Variants in RBMS3 observed in about 807,000 individuals in gnomAD.
The protein encoded by RBMS3 is RNA binding motif single stranded interacting protein 3.
In RBMS3, 27 loss-of-function variants were observed where a neutral mutation model predicts 66.8. The ratio of observed to expected loss-of-function variants is 0.40; its 90% CI spans 0.30 to 0.56. The LOEUF (loss-of-function observed/expected upper bound fraction) is 0.56, where lower values mean the gene tolerates loss of function less well. Among genes scored for constraint, RBMS3 ranks in the 20% least tolerant of loss-of-function variants. RBMS3 has a pLI of 0.40. For missense variants in RBMS3, 513 were observed against 549.5 expected (o/e 0.93, Z 0.66); for synonymous variants, 188 against 183.0 (o/e 1.03, Z -0.22).
In RBMS3 at chr3:30,008,031, T is replaced by C. The variant is rs1699851145; in HGVS notation, c.*4169T>C. 6.6e-6 allele frequency: 1 copy of C among 152,052 alleles called. No homozygotes were observed. The highest frequency in any genetic ancestry group is 1.5e-5 in the Non-Finnish European group (1 of 67,984). 9.4% of individuals were successfully genotyped at this position (152,052 alleles called of 1,614,324 possible). A position where few individuals can be genotyped will look rare whatever the true frequency, so the allele number is the denominator to read the frequency against. On this transcript the variant is annotated 3_prime_UTR_variant, in exon 15 of 15. Coordinates refer to ENST00000383767, the MANE Select transcript of RBMS3 (RefSeq NM_001003793.3). ...CATCTTTGGACCCCTTGCAAAGTGC[T>C]TTAAAAGTACTTTCAATTTATGCAT... is the stretch of plus-strand genomic sequence containing the variant.
chr3:29,457,827 C>CTTT (rs36020077), intron 2 of RBMS3, among the ~76,000 whole-genome samples: 3,087 of 140,766 alleles, frequency 0.022, 138 homozygotes, highest in African/African-American at 0.077. Context: ...TCAATTTGCA[C>CTTT]TTTTTTTTTT....
rs1559412873 is a variant in RBMS3 at position 29,497,972 on chromosome 3, C to CTTTT, written c.307+9473_307+9474insTTTT. The stretch of plus-strand genomic sequence containing the variant: ...CTCAGAGTTATTCTCTAAAAGTATT[C>CTTTT]ATTTTTTTTTTTTTTTTTTTTTTTT... On this transcript the variant is annotated intron_variant, in intron 3 of 14. Transcript: ENST00000383767. 4.5e-4 allele frequency among the ~76,000 whole-genome samples: 19 copies of CTTTT among 42,328 alleles called. 2 individuals are homozygous for CTTTT. Among genetic ancestry groups the CTTTT allele is most frequent in the East Asian group, 2.5e-3 (3 of 1,178 alleles). 27.8% of individuals were successfully genotyped at this position (42,328 alleles called of 152,430 possible).
intron 8 of RBMS3, among the ~76,000 whole-genome samples, chr3:29,895,789 T>A (rs1290423246): frequency 6.6e-6 from 1 of 151,534 alleles, no homozygotes; most frequent in African/African-American, 2.4e-5. Flanking sequence ...ATGTTTAACT[T>A]TAAAAGAAAC....
At chr3:29,996,933 G>A (rs1699281640) in intron 14 of RBMS3, among the ~76,000 whole-genome samples, 1 of 152,150 alleles carries the variant, frequency 6.6e-6, no homozygotes, top group Admixed American at 6.5e-5. Flanking sequence ...AGAACTGAGG[G>A]AAATAGAGAC....
At chr3:29,963,575 C>A (rs1696623439) in intron 12 of RBMS3, among the ~76,000 whole-genome samples, 1 of 152,132 alleles carries the variant, frequency 6.6e-6, no homozygotes, top group African/African-American at 2.4e-5. Context: ...TGCCTGTAAT[C>A]CCAGCACTGT....
intron 2 of RBMS3, among the ~76,000 whole-genome samples, chr3:29,465,036 C>T (rs929406792): frequency 3.9e-5 from 6 of 151,954 alleles, no homozygotes; most frequent in East Asian, 1.9e-4. Flanking sequence ...GTTTAAAATA[C>T]GTAAATGAAG....
Position 29,281,604 on chromosome 3 carries a change from G to T in RBMS3, c.-78G>T. On this transcript the variant is annotated 5_prime_UTR_variant, in exon 1 of 15. Transcript: ENST00000383767. ...AGTCACCGGGACTGTCAGGAATAGTGGTTTAAGAGGAAGCTCGGCCTGGGG... is the reference window on the plus strand; with the variant it reads ...AGTCACCGGGACTGTCAGGAATAGTTGTTTAAGAGGAAGCTCGGCCTGGGG... 1 of 1,169,056 alleles carries T rather than the reference G, an allele frequency of 8.6e-7. No individual in the cohort carries two copies. The highest frequency in any genetic ancestry group is 1.3e-6 in the Non-Finnish European group (1 of 777,828). The allele number at this position is 1,169,056 out of a possible 1,614,324, so 72.4% of individuals were successfully genotyped here. A position where few individuals can be genotyped will look rare whatever the true frequency, so the allele number is the denominator to read the frequency against.
chr3:29,675,233 C>A (rs901815372), intron 4 of RBMS3, among the ~76,000 whole-genome samples: 7 of 152,246 alleles, frequency 4.6e-5, no homozygotes, highest in Admixed American at 3.3e-4. Context: ...ATGTAGAAAG[C>A]TGAAACTGGA....
intron 1 of RBMS3, among the ~76,000 whole-genome samples, chr3:29,324,225 A>C (rs754748775): frequency 1.3e-5 from 2 of 152,150 alleles, no homozygotes; most frequent in Non-Finnish European, 2.9e-5. Flanking sequence ...ACCCAGTTAG[A>C]ACCAGCAGTC....
intron 2 of RBMS3, among the ~76,000 whole-genome samples, chr3:29,457,108 A>C (rs12495100): frequency 0.26 from 39,336 of 152,084 alleles, 5,237 homozygotes; most frequent in Non-Finnish European, 0.29. Context: ...GAGTTGACAC[A>C]GTCAGGTTTG....
At chr3:29,557,578 A>T (rs1363518904) in intron 3 of RBMS3, among the ~76,000 whole-genome samples, 1 of 152,354 alleles carries the variant, frequency 6.6e-6, no homozygotes, top group East Asian at 1.9e-4. Flanking sequence ...AGCAGAGGCT[A>T]CAAGAGCAAA....
chr3:29,471,714 CTTAGTTT>C (rs1559388171), intron 2 of RBMS3, among the ~76,000 whole-genome samples: 3 of 125,588 alleles, frequency 2.4e-5, no homozygotes, highest in Non-Finnish European at 3.3e-5. Flanking sequence ...ATCATGAGGA[CTTAGTTT>C]TTTTTTTTTT....
chr3:29,932,647 A>G (rs1202149584), intron 10 of RBMS3, among the ~76,000 whole-genome samples: 2 of 152,214 alleles, frequency 1.3e-5, no homozygotes, highest in Non-Finnish European at 2.9e-5. Context: ...TGTGTGCTCT[A>G]GATGGTAGAG....
At chr3:29,540,180 A>G (rs2045706395) in intron 3 of RBMS3, among the ~76,000 whole-genome samples, 1 of 152,248 alleles carries the variant, frequency 6.6e-6, no homozygotes, top group East Asian at 1.9e-4. Context: ...TAGTACACAT[A>G]AAGGGGATAT....
At chr3:29,496,874 G>A (rs539687844) in intron 3 of RBMS3, among the ~76,000 whole-genome samples, 15 of 152,266 alleles carry the variant, frequency 9.9e-5, no homozygotes, top group Admixed American at 2.0e-4. Context: ...TTAGACAAAA[G>A]TAAAATTATC....
chr3:29,825,483 T>C (rs1174612284), intron 6 of RBMS3, among the ~76,000 whole-genome samples: 1 of 152,154 alleles, frequency 6.6e-6, no homozygotes, highest in Non-Finnish European at 1.5e-5. Flanking sequence ...AATTGAATTA[T>C]GGGGGTGGGT....
intron 2 of RBMS3, among the ~76,000 whole-genome samples, chr3:29,440,485 AC>A (rs1457451149): frequency 4.6e-5 from 7 of 152,196 alleles, no homozygotes; most frequent in Non-Finnish European, 8.8e-5. Context: ...TCCAGTCCTT[AC>A]CAGAAGAGCA....
At chr3:29,428,120 T>C (rs1341990147) in intron 1 of RBMS3, among the ~76,000 whole-genome samples, 4 of 152,128 alleles carry the variant, frequency 2.6e-5, no homozygotes, top group Admixed American at 1.3e-4. Flanking sequence ...TTTTAGGCCA[T>C]TGAGTTAGTA....
intron 4 of RBMS3, among the ~76,000 whole-genome samples, chr3:29,594,938 T>G (rs1425484643): frequency 2.0e-5 from 3 of 152,210 alleles, no homozygotes; most frequent in Non-Finnish European, 4.4e-5. Context: ...TCATCTTAAG[T>G]GAAACAGTGC....
Sources: gnomAD v4.1 joint callset for allele counts (sites outside exome capture counted in the v4.1 genomes callset) on GRCh38, gnomAD v4.1.1 for gene constraint, MANE v1.5 for transcripts, NCBI Gene and HGNC (gene_info 2026-07-23, HGNC 2026-07-21) for gene names.